The following PRR29 variants were observed in gnomAD, a reference collection of about 807,000 sequenced individuals.
PRR29 encodes proline-rich protein 29.
A neutral mutation model predicts 25.1 loss-of-function variants in PRR29; 20 were observed. The observed-to-expected ratio is 0.80, with a 90% CI of 0.56 to 1.16. PRR29 has a LOEUF of 1.16. Among genes scored for constraint, PRR29 ranks in the 50% most tolerant of loss-of-function variants. PRR29 has a pLI of 0.00. For missense variants in PRR29, 238 were observed against 246.6 expected (o/e 0.97, Z 0.23); for synonymous variants, 108 against 102.6 (o/e 1.05, Z -0.32).
chr17:64,004,109 G>C lies in PRR29; in HGVS notation c.*2348G>C. On this transcript the variant is annotated 3_prime_UTR_variant, in exon 6 of 6. Transcript: ENST00000412177. ...GCCGGCTCCAGTGCAGAGAGGAAGA[G>C]GGCAGCAGTTGAGGATGGAGGCTGG... is the stretch of plus-strand genomic sequence containing the variant. 3.2e-6 allele frequency: 2 copies of C among 628,654 alleles called. No homozygotes were observed. Among genetic ancestry groups the C allele is most frequent in the South Asian group, 3.9e-5 (2 of 51,212 alleles). The allele number at this position is 628,654 out of a possible 1,614,324, so 38.9% of individuals were successfully genotyped here.
chr17:64,000,065 C>G (rs191852567), intron 3 of PRR29, among the ~76,000 whole-genome samples: 85 of 152,244 alleles, frequency 5.6e-4, no homozygotes, highest in African/African-American at 2.0e-3. Context: ...TTCAAGGAAT[C>G]CAGACAGAAG....
rs375283994 is a variant in PRR29 at position 64,001,746 on chromosome 17, C to T, written c.555C>T (p.Ala185=). The T allele has an allele frequency of 5.1e-5, 78 of 1,537,072 alleles. No homozygotes were observed. The highest frequency in any genetic ancestry group is 5.0e-4 in the South Asian group (42 of 84,046). Residue 185 remains alanine, a synonymous_variant, in exon 6 of 6, where the codon GCC becomes GCT. Coordinates refer to ENST00000412177, the MANE Select transcript of PRR29 (RefSeq NM_001164257.2). ...TTGTTTCCCCAGACTACTATGATGC[C>T]GAGAGCCTCCTATGAGGACAGACCC... The part of the protein sequence containing the change: ...DVPPASDYYD[A]ESLL
rs1248323138 is a variant in PRR29, at chr17:64,003,390, G to A, written c.*1629G>A. The A allele has an allele frequency of 3.7e-6, 2 of 534,576 alleles. No homozygotes were observed. Among genetic ancestry groups the A allele is most frequent in the Non-Finnish European group, 6.7e-6 (2 of 298,830 alleles). 33.1% of individuals were successfully genotyped at this position (534,576 alleles called of 1,614,324 possible). A position where few individuals can be genotyped will look rare whatever the true frequency, so the allele number is the denominator to read the frequency against. The stretch of plus-strand genomic sequence containing the variant: ...TCATTGTGGAGGGGAGCCAAGGCCA[G>A]GGAGAGCCGTCAAGGTCATGGGGCT... On this transcript the variant is annotated 3_prime_UTR_variant, in exon 6 of 6. Transcript: ENST00000412177.
Position 64,003,003 on chromosome 17 carries a change from C to G in PRR29, c.*1242C>G. ...GGACCAAAAGGGAGTGGAAGTCCAC[C>G]CCCAACCCAGACCCCCAGACCCCGC... On this transcript the variant is annotated 3_prime_UTR_variant, in exon 6 of 6. Coordinates refer to ENST00000412177, the MANE Select transcript of PRR29 (RefSeq NM_001164257.2). The G allele has an allele frequency of 7.1e-7, 1 of 1,399,816 alleles. No homozygotes were observed. The highest frequency in any genetic ancestry group is 9.8e-7 in the Non-Finnish European group (1 of 1,019,252). The allele number at this position is 1,399,816 out of a possible 1,614,324, so 86.7% of individuals were successfully genotyped here.
At chr17:63,999,193 T>C in intron 3 of PRR29, 119 bp downstream of exon 3, 1 of 766,128 alleles carries the variant, frequency 1.3e-6, no homozygotes, top group South Asian at 1.7e-5. Flanking sequence ...AGCCAGCCCG[T>C]CTCTCTGGCT....
chr17:63,998,424 G>T lies in PRR29; in HGVS notation c.60G>T (p.Thr20=), dbSNP rs1425320164. 5 of 1,489,090 alleles carry T rather than the reference G, an allele frequency of 3.4e-6. No individual in the cohort carries two copies. Among genetic ancestry groups the T allele is most frequent in the Admixed American group, 2.2e-5 (1 of 44,762 alleles). The allele number at this position is 1,489,090 out of a possible 1,614,324, so 92.2% of individuals were successfully genotyped here. A position where few individuals can be genotyped will look rare whatever the true frequency, so the allele number is the denominator to read the frequency against. ...GRSPPQSAVP[T]PWVTFLQPLS... is the part of the protein sequence containing the mutation. ...CCCCACCGCAGAGCGCAGTCCCGAC[G>T]GTGAGGGCTGAGCCCGGGAGCAGAT... Residue 20 remains threonine, a splice_region_variant and synonymous_variant, in exon 1 of 6, where the codon ACG becomes ACT. Coordinates refer to ENST00000412177, the MANE Select transcript of PRR29 (RefSeq NM_001164257.2).
At position 63,998,710 on chromosome 17, in the gene PRR29, T is replaced by A. The variant is rs1347721197; in HGVS notation, c.64T>A (p.Trp22Arg). The A allele has an allele frequency of 5.0e-5, 71 of 1,414,896 alleles. No homozygotes were observed. The highest frequency in any genetic ancestry group is 1.2e-4 in the Admixed American group (5 of 41,340). 87.6% of individuals were successfully genotyped at this position (1,414,896 alleles called of 1,614,324 possible). A position where few individuals can be genotyped will look rare whatever the true frequency, so the allele number is the denominator to read the frequency against. The change falls in exon 2 of 6, where the codon TGG (tryptophan) becomes AGG (arginine). Residue 22 changes from tryptophan (W) to arginine (R), a missense_variant. By Grantham distance (101) the Trp-to-Arg change is moderately radical. Coordinates refer to ENST00000412177, the MANE Select transcript of PRR29 (RefSeq NM_001164257.2). Reference protein sequence around the residue: ...SPPQSAVPTPWVTFLQPLSWA... With the variant: ...SPPQSAVPTPRVTFLQPLSWA... ...CTGACTCCGCGCACACCCCCAGCCC[T>A]GGGTCACCTTCCTGCAGCCCCTCTC...
At chr17:63,999,890 G>C (rs1385736530) in intron 3 of PRR29, 1 of 153,642 alleles carries the variant, frequency 6.5e-6, no homozygotes, top group Non-Finnish European at 1.4e-5. Context: ...GTGCGTGCAA[G>C]CAAGTGTGTG....
At position 64,003,670 on chromosome 17, in the gene PRR29, G is replaced by A. The variant is rs1172947965; in HGVS notation, c.*1909G>A. ...ATAGATCTCCAACATCTTCGGGGCT[G>A]AGTGTTTGTGAAAGATGTTGCCACC... On this transcript the variant is annotated 3_prime_UTR_variant, in exon 6 of 6. Coordinates refer to ENST00000412177, the MANE Select transcript of PRR29 (RefSeq NM_001164257.2). 3 of 1,614,032 alleles carry A rather than the reference G, an allele frequency of 1.9e-6. No homozygotes were observed. In the Admixed American group the frequency reaches 5.0e-5, roughly 27 times the overall value.
rs777540468 is a variant in PRR29, at chr17:64,002,873, C to A, written c.*1112C>A. 1 of 1,613,984 alleles carries A rather than the reference C, an allele frequency of 6.2e-7. No individual in the cohort carries two copies. Among genetic ancestry groups the A allele is most frequent in the East Asian group, 2.2e-5 (1 of 44,872 alleles). On this transcript the variant is annotated 3_prime_UTR_variant, in exon 6 of 6. Coordinates refer to ENST00000412177, the MANE Select transcript of PRR29 (RefSeq NM_001164257.2). ...GGACAGATGTCACGAACAGGGACAG[C>A]AACACCGACACCACCGTGACTATGA...
At position 63,998,755 on chromosome 17, in the gene PRR29, C is replaced by T. The variant is rs765294441; in HGVS notation, c.109C>T (p.Pro37Ser). Residue 37 changes from proline (P) to serine (S), a missense_variant, in exon 2 of 6, where the codon CCC (proline) becomes TCC (serine). By Grantham distance (74) the Pro-to-Ser change is moderately conservative (BLOSUM62 -1). Coordinates refer to ENST00000412177, the MANE Select transcript of PRR29 (RefSeq NM_001164257.2). ...CCTCTCGTGGGCCGTCCCACCTGCG[C>T]CCCCGCAGCCAGGCCGCGTGAAGGA... is the stretch of plus-strand genomic sequence containing the variant. ...QPLSWAVPPA[P>S]PQPGRVKEDL... 4 of 1,529,384 alleles carry T rather than the reference C, an allele frequency of 2.6e-6. No homozygotes were observed. The highest frequency in any genetic ancestry group is 3.9e-5 in the Admixed American group (2 of 50,740). 94.7% of individuals were successfully genotyped at this position (1,529,384 alleles called of 1,614,324 possible).
In PRR29 at chr17:63,998,424, G is replaced by A. The variant is rs1425320164; in HGVS notation, c.60G>A (p.Thr20=). Residue 20 remains threonine, a splice_region_variant and synonymous_variant, in exon 1 of 6, where the codon ACG becomes ACA. Transcript: ENST00000412177. ...CCCCACCGCAGAGCGCAGTCCCGAC[G>A]GTGAGGGCTGAGCCCGGGAGCAGAT... ...GRSPPQSAVP[T]PWVTFLQPLS... is the part of the protein sequence containing the mutation. The A allele has an allele frequency of 1.3e-6, 2 of 1,489,208 alleles. No homozygotes were observed. The highest frequency in any genetic ancestry group is 8.9e-7 in the Non-Finnish European group (1 of 1,122,622). 92.2% of individuals were successfully genotyped at this position (1,489,208 alleles called of 1,614,324 possible).
intron 3 of PRR29, among the ~76,000 whole-genome samples, chr17:64,000,398 C>T (rs902769582): frequency 3.3e-5 from 5 of 152,096 alleles, no homozygotes; most frequent in African/African-American, 9.7e-5. Flanking sequence ...GATGCAATCT[C>T]GGCACACTGC....
At chr17:63,999,916 G>A in intron 3 of PRR29, 1 of 153,324 alleles carries the variant, frequency 6.5e-6, no homozygotes, top group Non-Finnish European at 1.5e-5. Context: ...GGGGGTGTGT[G>A]CAAGCGTGTG....
intron 1 of PRR29, 118 bp downstream of exon 1, chr17:63,998,542 C>G: frequency 8.0e-7 from 1 of 1,255,956 alleles, no homozygotes; most frequent in East Asian, 2.6e-5. Flanking sequence ...CAGCCCCAAA[C>G]CGAGAGGAAG....
intron 3 of PRR29, 43 bp from the exon 4 acceptor site, chr17:64,001,041 T>C (rs1910683295): frequency 6.9e-7 from 1 of 1,451,246 alleles, no homozygotes; most frequent in South Asian, 1.2e-5. Flanking sequence ...GAGAGCCTGA[T>C]GGTAGATTCT....
rs775075344 is a variant in PRR29, at chr17:64,001,773, G to A, written c.*12G>A. On this transcript the variant is annotated 3_prime_UTR_variant, in exon 6 of 6. Transcript: ENST00000412177. ...AGAGCCTCCTATGAGGACAGACCCC[G>A]GCCCTGGGAACTGCACCAGCTTCCT... 6.5e-6 allele frequency: 10 copies of A among 1,537,032 alleles called. No homozygotes were observed. Among genetic ancestry groups the A allele is most frequent in the African/African-American group, 5.5e-5 (4 of 73,070 alleles).
chr17:64,000,395 T>C (rs1366162418), intron 3 of PRR29, among the ~76,000 whole-genome samples: 1 of 152,182 alleles, frequency 6.6e-6, no homozygotes, highest in Non-Finnish European at 1.5e-5. Flanking sequence ...AGTGATGCAA[T>C]CTCGGCACAC....
At position 64,002,760 on chromosome 17, in the gene PRR29, G is replaced by A; in HGVS notation, c.*999G>A. ...CACTCATGGTTGCTATGGCCGGAAG[G>A]CCTGGGGCAGCCTCCTCCAAGCCGC... On this transcript the variant is annotated 3_prime_UTR_variant, in exon 6 of 6. Coordinates refer to ENST00000412177, the MANE Select transcript of PRR29 (RefSeq NM_001164257.2). 1.2e-6 allele frequency: 2 copies of A among 1,611,800 alleles called. No homozygotes were observed. Among genetic ancestry groups the A allele is most frequent in the Admixed American group, 1.7e-5 (1 of 59,976 alleles).
Sources: allele counts gnomAD v4.1 joint callset (sites outside exome capture counted in the v4.1 genomes callset), GRCh38; gene constraint gnomAD v4.1.1; transcripts MANE v1.5; gene names NCBI Gene and HGNC (gene_info 2026-07-23, HGNC 2026-07-21).